TMC1: variants seen among roughly 807,000 people sequenced by gnomAD.
TMC1 encodes the protein transmembrane channel-like protein 1.
Under a neutral mutation model 105.8 loss-of-function variants are expected in TMC1, and 84 were observed. That is an observed-to-expected ratio of 0.79 (90% CI 0.67 to 0.95). The LOEUF (loss-of-function observed/expected upper bound fraction) is 0.95, where lower values mean the gene tolerates loss of function less well. Among genes scored for constraint, TMC1 ranks in the 40% least tolerant of loss-of-function variants. TMC1 has a pLI of 0.00. For missense variants in TMC1, 817 were observed against 914.1 expected, an observed-to-expected ratio of 0.89 and a Z score of 1.37; for synonymous variants, 315 against 311.5, an observed-to-expected ratio of 1.01 and a Z score of -0.12.
chr9:72,540,703 C>T (rs1056410107), intron 1 of TMC1, among the ~76,000 whole-genome samples: 2 of 152,064 alleles, frequency 1.3e-5, no homozygotes, highest in Non-Finnish European at 2.9e-5. Flanking sequence ...GATGCCCCAC[C>T]CTTTGACTAT....
intron 1 of TMC1, among the ~76,000 whole-genome samples, chr9:72,571,598 C>T (rs991437554): frequency 4.0e-5 from 6 of 150,964 alleles, no homozygotes; most frequent in Admixed American, 6.6e-5. Flanking sequence ...AGGCATACAC[C>T]GCCATGCCCA....
At chr9:72,745,528 A>T (rs1349215380) in intron 10 of TMC1, among the ~76,000 whole-genome samples, 1 of 152,046 alleles carries the variant, frequency 6.6e-6, no homozygotes, top group Admixed American at 6.6e-5. Context: ...TTAGTGAGTG[A>T]TTTATTTAAT....
At chr9:72,664,936 G>C (rs1375638027) in intron 5 of TMC1, among the ~76,000 whole-genome samples, 1 of 152,132 alleles carries the variant, frequency 6.6e-6, no homozygotes, top group Non-Finnish European at 1.5e-5. Context: ...CACACCCCTA[G>C]ATGCCACCGT....
At chr9:72,809,594 C>T (rs1046253890) in intron 18 of TMC1, among the ~76,000 whole-genome samples, 1 of 152,170 alleles carries the variant, frequency 6.6e-6, no homozygotes, top group African/African-American at 2.4e-5. Flanking sequence ...TGTAGACTTA[C>T]GTAGAGGTTG....
chr9:72,559,026 A>C (rs926101353), intron 1 of TMC1, among the ~76,000 whole-genome samples: 1 of 152,190 alleles, frequency 6.6e-6, no homozygotes, highest in Non-Finnish European at 1.5e-5. Flanking sequence ...ATGAAGTCAT[A>C]CAACTTCTCT....
intron 4 of TMC1, among the ~76,000 whole-genome samples, chr9:72,644,665 CTTAAAG>C (rs1334320884): frequency 2.1e-4 from 32 of 152,176 alleles, no homozygotes; most frequent in African/African-American, 6.7e-4. Context: ...TTAATAAAGT[CTTAAAG>C]TTAGGTAGTA....
chr9:72,627,034 T>G (rs1035953697), intron 3 of TMC1, among the ~76,000 whole-genome samples: 3 of 151,852 alleles, frequency 2.0e-5, no homozygotes, highest in Admixed American at 6.6e-5. Context: ...TTGTTGGTTT[T>G]TTTTTTTTTT....
chr9:72,534,782 T>A (rs1421561343), intron 1 of TMC1, among the ~76,000 whole-genome samples: 1 of 152,202 alleles, frequency 6.6e-6, no homozygotes, highest in Non-Finnish European at 1.5e-5. Context: ...TAGGTTTTCA[T>A]TCTAAATGCT....
intron 2 of TMC1, among the ~76,000 whole-genome samples, chr9:72,601,130 A>G (rs2132112245): frequency 6.7e-6 from 1 of 149,280 alleles, no homozygotes; most frequent in Admixed American, 6.7e-5. Flanking sequence ...AGACCAGGAG[A>G]TTAGGACCAA....
At chr9:72,540,310 C>T (rs946790987) in intron 1 of TMC1, among the ~76,000 whole-genome samples, 7 of 152,182 alleles carry the variant, frequency 4.6e-5, no homozygotes, top group Admixed American at 3.9e-4. Context: ...TTGGTGTACT[C>T]TAAGCAGTCA....
rs151184842 is a variant in TMC1 at position 72,589,994 on chromosome 9, G to A, written c.-306+11971G>A. Among the ~76,000 whole-genome samples, 190 of 152,272 alleles carry A rather than the reference G, an allele frequency of 1.2e-3. 2 individuals carry two copies. Among genetic ancestry groups the A allele is most frequent in the East Asian group, 0.011 (55 of 5,180 alleles). Reference sequence around the variant, plus strand: ...GGGCTGAGGGAGAAGCAGCTTCTTAGCTTCTGCTATGCTGACTTATCTTGT... The same window carrying A: ...GGGCTGAGGGAGAAGCAGCTTCTTAACTTCTGCTATGCTGACTTATCTTGT... On this transcript the variant is annotated intron_variant, in intron 2 of 23. Transcript: ENST00000297784.
At chr9:72,607,002 T>TAGAGAGAGAG (rs57741839) in intron 2 of TMC1, among the ~76,000 whole-genome samples, 89 of 134,962 alleles carry the variant, frequency 6.6e-4, no homozygotes, top group African/African-American at 1.5e-3. Flanking sequence ...TATATATATA[T>TAGAGAGAGAG]AGAGAGAGAG....
rs530220322 is a variant in TMC1, at chr9:72,628,284, G to A, written c.-53+221G>A. The A allele has an allele frequency of 2.6e-5, 7 of 273,054 alleles. No individual in the cohort carries two copies. The East Asian group carries it at 6.7e-4, about 26-fold the overall frequency. The allele number at this position is 273,054 out of a possible 1,614,324, so 16.9% of individuals were successfully genotyped here. On this transcript the variant is annotated intron_variant, in intron 4 of 23. Transcript: ENST00000297784. The stretch of plus-strand genomic sequence containing the variant: ...AGCTTGGGATGGAGTTTGAGGTAGG[G>A]CGAGAGGGAAAAAGATCTTGGCAGA...
At chr9:72,805,202 A>G (rs1828550871) in intron 17 of TMC1, 180 bp from the exon 18 acceptor site, 2 of 493,828 alleles carry the variant, frequency 4.0e-6, no homozygotes, top group Non-Finnish European at 7.0e-6. Flanking sequence ...TTATTTTTTA[A>G]GTAATAAAGT....
intron 5 of TMC1, among the ~76,000 whole-genome samples, chr9:72,676,921 G>A (rs1166947249): frequency 6.6e-6 from 1 of 151,994 alleles, no homozygotes; most frequent in African/African-American, 2.4e-5. Context: ...ATAACAAAAA[G>A]CAAATATCCT....
intron 4 of TMC1, among the ~76,000 whole-genome samples, chr9:72,638,142 C>A (rs1019682570): frequency 6.6e-6 from 1 of 152,126 alleles, no homozygotes; most frequent in Non-Finnish European, 1.5e-5. Context: ...CTGTCTGAAA[C>A]ATATACTTTC....
In TMC1 at chr9:72,594,475, C is replaced by T. The variant is rs562281008; in HGVS notation, c.-306+16452C>T. Among the ~76,000 whole-genome samples, 48 of 152,268 alleles carry T rather than the reference C, an allele frequency of 3.2e-4. 1 individual carries two copies. The highest frequency in any genetic ancestry group is 1.1e-3 in the African/African-American group (46 of 41,552). Reference sequence around the variant, plus strand: ...TTCTTAAATAAATCTTTTTGGCTTACGACAGGTAGAAGAGGGCAGATCACA... The same window carrying T: ...TTCTTAAATAAATCTTTTTGGCTTATGACAGGTAGAAGAGGGCAGATCACA... On this transcript the variant is annotated intron_variant, in intron 2 of 23. Coordinates refer to ENST00000297784, the MANE Select transcript of TMC1 (RefSeq NM_138691.3).
chr9:72,774,815 T>G (rs560910178), intron 13 of TMC1, among the ~76,000 whole-genome samples: 2 of 152,336 alleles, frequency 1.3e-5, no homozygotes, highest in African/African-American at 2.4e-5. Flanking sequence ...TATAAATCTT[T>G]GTACAGAATC....
At chr9:72,711,034 T>C (rs1338655692) in intron 8 of TMC1, among the ~76,000 whole-genome samples, 4 of 152,196 alleles carry the variant, frequency 2.6e-5, no homozygotes, top group African/African-American at 9.7e-5. Context: ...TTTCTGTTCT[T>C]GTGTTAGTTT....
Sources: gnomAD v4.1 joint callset for allele counts (sites outside exome capture counted in the v4.1 genomes callset) on GRCh38, gnomAD v4.1.1 for gene constraint, MANE v1.5 for transcripts, NCBI Gene and HGNC (gene_info 2026-07-23, HGNC 2026-07-21) for gene names.